MARK2: variants seen among roughly 807,000 people sequenced by gnomAD.
The protein encoded by MARK2 is serine/threonine-protein kinase MARK2.
In MARK2, 16 loss-of-function variants were observed where a neutral mutation model predicts 89.8. The observed-to-expected ratio is 0.18, with a 90% confidence interval of 0.12 to 0.27. The LOEUF (loss-of-function observed/expected upper bound fraction) is 0.27, where lower values mean the gene tolerates loss of function less well. Ranked by LOEUF, MARK2 falls within the 10% of genes least tolerant of loss-of-function variation. The pLI is 1.00. For synonymous variants in MARK2, 382 were observed against 399.5 expected, an observed-to-expected ratio of 0.96 and a Z score of 0.52; for missense variants, 621 against 1,049.9, an observed-to-expected ratio of 0.59 and a Z score of 5.65.
chr11:63,887,320 A>G (rs1939461116), intron 1 of MARK2, among the ~76,000 whole-genome samples: 1 of 152,260 alleles, frequency 6.6e-6, no homozygotes, highest in African/African-American at 2.4e-5. Flanking sequence ...TGTACTGAGA[A>G]GCTGTGAGAT....
intron 1 of MARK2, among the ~76,000 whole-genome samples, chr11:63,889,253 AG>A (rs1939631728): frequency 6.6e-6 from 1 of 152,136 alleles, no homozygotes; most frequent in African/African-American, 2.4e-5. Flanking sequence ...TGCTACAGTG[AG>A]GGGGAGCCTA....
Position 63,903,039 on chromosome 11 carries a change from G to T in MARK2, c.1417-22G>T, listed in dbSNP as rs762208477. On this transcript the variant is annotated intron_variant, in intron 13 of 18. Coordinates refer to ENST00000402010, the MANE Select transcript of MARK2 (RefSeq NM_001039469.3). The surrounding 1 kb of genome is among the most constrained non-coding windows in gnomAD (Gnocchi z 5.1). Reference sequence around the variant, plus strand: ...GACCACTTTGGCTTTCTGATAGAACGCTTGCCCTTTATTCCCCACAGAACA... The same window carrying T: ...GACCACTTTGGCTTTCTGATAGAACTCTTGCCCTTTATTCCCCACAGAACA... 4 of 1,606,514 alleles carry T rather than the reference G, an allele frequency of 2.5e-6. No homozygotes were observed. The highest frequency in any genetic ancestry group is 2.2e-5 in the East Asian group (1 of 44,840).
At position 63,900,833 on chromosome 11, in the gene MARK2, G is replaced by T. The variant is rs748330502; in HGVS notation, c.942G>T (p.Lys314Asn). The T allele has an allele frequency of 1.9e-6, 3 of 1,614,172 alleles. No individual in the cohort carries two copies. The South Asian group carries it at 3.3e-5, about 18-fold the overall frequency. The change falls in exon 10 of 19, where the codon AAG becomes AAT. Residue 314 changes from lysine to asparagine, a missense_variant. Physicochemically the swap from Lys to Asn is moderately conservative, Grantham distance 94. Coordinates refer to ENST00000402010, the MANE Select transcript of MARK2 (RefSeq NM_001039469.3). The surrounding 1 kb of genome is among the most constrained non-coding windows in gnomAD (Gnocchi z 4.7). ...MNVGHEDDEL[K>N]PYVEPLPDYK... ...TGGGTCACGAAGATGATGAACTAAAGCCTTACGTGGAGCCACTCCCTGACT... is the reference window on the plus strand; with the variant it reads ...TGGGTCACGAAGATGATGAACTAAATCCTTACGTGGAGCCACTCCCTGACT...
In MARK2 at chr11:63,908,866, C is replaced by G. The variant is rs763322432; in HGVS notation, c.2007-11C>G. 1.4e-5 allele frequency: 21 copies of G among 1,479,840 alleles called. No individual in the cohort carries two copies. Among genetic ancestry groups the G allele is most frequent in the South Asian group, 1.3e-4 (9 of 69,448 alleles). 91.7% of individuals were successfully genotyped at this position (1,479,840 alleles called of 1,614,324 possible). On this transcript the variant is annotated splice_polypyrimidine_tract_variant and intron_variant, in intron 18 of 18. Coordinates refer to ENST00000402010, the MANE Select transcript of MARK2 (RefSeq NM_001039469.3). ...GCCCCCCCGTGACGCCCGCCTCTGC[C>G]CTCTCCACAGACCTCACGTGGTGGG...
chr11:63,870,098 C>T (rs768957223), intron 1 of MARK2, among the ~76,000 whole-genome samples: 8 of 152,200 alleles, frequency 5.3e-5, no homozygotes, highest in Non-Finnish European at 1.2e-4. Flanking sequence ...GGCTGCAGCC[C>T]TCAACGGCAG....
chr11:63,882,117 T>A (rs926283907), intron 1 of MARK2, among the ~76,000 whole-genome samples: 1 of 152,186 alleles, frequency 6.6e-6, no homozygotes, highest in African/African-American at 2.4e-5. Flanking sequence ...ATAGGATAGA[T>A]GACCACTTTC....
At chr11:63,846,498 G>A (rs991372388) in intron 1 of MARK2, among the ~76,000 whole-genome samples, 1 of 151,546 alleles carries the variant, frequency 6.6e-6, no homozygotes, top group Non-Finnish European at 1.5e-5. Flanking sequence ...TGAGATTACA[G>A]GTGTACGCCA....
chr11:63,888,744 C>T, intron 1 of MARK2: 2 of 1,206,978 alleles, frequency 1.7e-6, no homozygotes, highest in Non-Finnish European at 2.1e-6. Context: ...GGTTCCCAGG[C>T]AGGAACCGCT....
intron 1 of MARK2, among the ~76,000 whole-genome samples, chr11:63,860,555 A>C (rs1937697575): frequency 6.8e-6 from 1 of 147,942 alleles, no homozygotes; most frequent in South Asian, 2.1e-4. Context: ...CTCAAAAAAA[A>C]AAAAATAAAT....
chr11:63,900,979 T>C lies in MARK2; in HGVS notation c.1011T>C (p.Tyr337=), dbSNP rs1940817680. The C allele has an allele frequency of 1.2e-6, 2 of 1,613,986 alleles. No homozygotes were observed. The highest frequency in any genetic ancestry group is 1.7e-6 in the Non-Finnish European group (2 of 1,179,942). Residue 337 remains tyrosine (Y), a synonymous_variant, in exon 11 of 19, where the codon TAT becomes TAC. Coordinates refer to ENST00000402010, the MANE Select transcript of MARK2 (RefSeq NM_001039469.3). The surrounding 1 kb of genome is among the most constrained non-coding windows in gnomAD (Gnocchi z 4.7). ...CAGAGCTGATGGTGTCCATGGGTTA[T>C]ACACGGGAAGAGATCCAGGACTCGC... ...RRTELMVSMG[Y]TREEIQDSLV... is the part of the protein sequence containing the mutation.
chr11:63,897,066 A>G (rs956323323), intron 3 of MARK2, among the ~76,000 whole-genome samples: 6 of 152,218 alleles, frequency 3.9e-5, no homozygotes, highest in East Asian at 1.9e-4. Context: ...GATCTCAGCA[A>G]TGATCCCTGA....
intron 17 of MARK2, among the ~76,000 whole-genome samples, chr11:63,907,712 T>C (rs1489297378): frequency 6.6e-6 from 1 of 152,170 alleles, no homozygotes; most frequent in Non-Finnish European, 1.5e-5. Flanking sequence ...CCCAGGTGCC[T>C]ACCATGCAGA....
chr11:63,857,052 C>T (rs1281997797), intron 1 of MARK2, among the ~76,000 whole-genome samples: 2 of 151,974 alleles, frequency 1.3e-5, no homozygotes, highest in African/African-American at 4.8e-5. Flanking sequence ...ACCTCATGAT[C>T]CGCCCGCCTC....
chr11:63,889,069 T>C (rs1195477221), intron 1 of MARK2: 13 of 782,510 alleles, frequency 1.7e-5, no homozygotes, highest in Non-Finnish European at 2.5e-5. Flanking sequence ...CCTGCCTGAG[T>C]CCAGCATAGT....
At chr11:63,865,096 GC>G (rs1938054480) in intron 1 of MARK2, among the ~76,000 whole-genome samples, 1 of 151,906 alleles carries the variant, frequency 6.6e-6, no homozygotes, top group African/African-American at 2.4e-5. Flanking sequence ...TCGTCATGTT[GC>G]CCAGGCTGGC....
intron 1 of MARK2, among the ~76,000 whole-genome samples, chr11:63,876,680 G>T (rs114929057): frequency 0.013 from 2,005 of 150,758 alleles, 43 homozygotes; most frequent in African/African-American, 0.046. Flanking sequence ...TTTAGGATTT[G>T]TTGGGTAGGA....
chr11:63,906,121 G>A lies in MARK2; in HGVS notation c.1961+7G>A, dbSNP rs932871539. 44 of 1,313,526 alleles carry A rather than the reference G, an allele frequency of 3.3e-5. No homozygotes were observed. The highest frequency in any genetic ancestry group is 3.9e-5 in the Non-Finnish European group (40 of 1,031,816). 81.4% of individuals were successfully genotyped at this position (1,313,526 alleles called of 1,614,324 possible). On this transcript the variant is annotated splice_region_variant and intron_variant, in intron 17 of 18. Transcript: ENST00000402010. ...CTTTCAGGTTTGCCAGAAGGTAGGC[G>A]TTGAGCCCGCTGTGTGTGTGTGTGT...
intron 1 of MARK2, among the ~76,000 whole-genome samples, chr11:63,844,956 A>G (rs2016204061): frequency 6.6e-6 from 1 of 152,192 alleles, no homozygotes; most frequent in Non-Finnish European, 1.5e-5. Context: ...TCTAGAGTGC[A>G]GCCAAGCCTC....
rs1393960674 is a variant in MARK2 at position 63,904,016 on chromosome 11, G to T, written c.1545G>T (p.Thr515=). 1.2e-6 allele frequency: 2 copies of T among 1,609,196 alleles called. No individual in the cohort carries two copies. ...CCATGCCAGGGTCCCGGGCCTCCAC[G>T]GCTTCTGCTTCTGCCGCAGTCTCTG... ...SLTMPGSRAS[T]ASASAAVSAA... is the part of the protein sequence containing the mutation. The change falls in exon 15 of 19, where the codon ACG becomes ACT. Residue 515 remains threonine, a synonymous_variant. Transcript: ENST00000402010. The surrounding 1 kb of genome is among the most constrained non-coding windows in gnomAD (Gnocchi z 6.3).
Sources: allele counts gnomAD v4.1 joint callset (sites outside exome capture counted in the v4.1 genomes callset), GRCh38; gene constraint gnomAD v4.1.1; non-coding constraint Gnocchi (gnomAD v3.1); transcripts MANE v1.5; gene names NCBI Gene and HGNC (gene_info 2026-07-23, HGNC 2026-07-21).